The following MPRIP variants were observed in gnomAD, a reference collection of about 807,000 sequenced individuals.
MPRIP encodes myosin phosphatase Rho interacting protein.
MPRIP carries 59 observed loss-of-function variants against 234.9 expected under a neutral mutation model. The ratio of observed to expected loss-of-function variants is 0.25; its 90% CI spans 0.20 to 0.31. The LOEUF (loss-of-function observed/expected upper bound fraction) is 0.31, where lower values mean the gene tolerates loss of function less well. MPRIP is among the 10% of genes least tolerant of loss of function. The probability of loss-of-function intolerance (pLI) is 1.00; values close to 1 mark genes in which losing one functional copy is unlikely to be tolerated. For missense variants in MPRIP, 2,436 were observed against 3,071.0 expected, an observed-to-expected ratio of 0.79 and a Z score of 4.89; for synonymous variants, 1,144 against 1,263.9, an observed-to-expected ratio of 0.91 and a Z score of 2.01.
At chr17:17,168,327 G>T (rs1236607601) in intron 16 of MPRIP, 7 of 259,438 alleles carry the variant, frequency 2.7e-5, no homozygotes, top group Non-Finnish European at 5.3e-5. Flanking sequence ...CCTGAGGACA[G>T]CCTTGTACTC....
At chr17:17,109,605 A>G (rs1051790157) in intron 3 of MPRIP, among the ~76,000 whole-genome samples, 10 of 152,234 alleles carry the variant, frequency 6.6e-5, no homozygotes, top group Admixed American at 6.5e-4. Context: ...CCCAGGTTAT[A>G]TACACCTCTA....
intron 19 of MPRIP, among the ~76,000 whole-genome samples, chr17:17,174,571 T>C (rs1371505542): frequency 6.6e-5 from 10 of 152,208 alleles, no homozygotes; most frequent in African/African-American, 2.4e-4. Flanking sequence ...GCGCGGTGGC[T>C]CACGCCTGTA....
chr17:17,128,878 CCT>C (rs530733395), intron 4 of MPRIP, among the ~76,000 whole-genome samples: 129 of 152,320 alleles, frequency 8.5e-4, no homozygotes, highest in Admixed American at 1.4e-3. Context: ...CTCTTGCCTC[CCT>C]CTGTTTCCCA....
chr17:17,051,978 CT>C (rs1567681823), intron 1 of MPRIP, among the ~76,000 whole-genome samples: 1 of 152,268 alleles, frequency 6.6e-6, no homozygotes, highest in African/African-American at 2.4e-5. Flanking sequence ...CTGCCGGATC[CT>C]TTGAACCTCT....
intron 3 of MPRIP, among the ~76,000 whole-genome samples, chr17:17,088,184 G>A (rs536935201): frequency 6.6e-6 from 1 of 152,220 alleles, no homozygotes; most frequent in African/African-American, 2.4e-5. Flanking sequence ...GGAGCGGCGA[G>A]AGCTGTCGTG....
chr17:17,139,281 C>G (rs2090765832), intron 7 of MPRIP, among the ~76,000 whole-genome samples: 1 of 152,254 alleles, frequency 6.6e-6, no homozygotes, highest in African/African-American at 2.4e-5. Context: ...ACCCCTGCAT[C>G]TGTATACTGA....
Position 17,164,612 on chromosome 17 carries a change from T to G in MPRIP, c.3021T>G (p.Ser1007Arg). Residue 1007 changes from serine to arginine, a missense_variant, in exon 16 of 24, where the codon AGT (serine) becomes AGG (arginine). This residue lies in a region of MPRIP where 1,998 missense variants were observed against 2,520.3 expected (regional missense o/e 0.79). Coordinates refer to ENST00000651222, the MANE Select transcript of MPRIP (RefSeq NM_001364716.4). ...ACCTCAGCCAGCAACTGGGCGCCAG[T>G]GAGCAGGCGCAGCGGCTGATGGAGG... ...IADLSQQLGA[S>R]EQAQRLMEEK... 8.2e-7 allele frequency: 1 copy of G among 1,215,164 alleles called. No individual in the cohort carries two copies. Among genetic ancestry groups the G allele is most frequent in the Non-Finnish European group, 1.1e-6 (1 of 948,448 alleles). The allele number at this position is 1,215,164 out of a possible 1,614,324, so 75.3% of individuals were successfully genotyped here.
chr17:17,121,679 G>A (rs1195088276), intron 3 of MPRIP, among the ~76,000 whole-genome samples: 1 of 152,156 alleles, frequency 6.6e-6, no homozygotes, highest in Non-Finnish European at 1.5e-5. Flanking sequence ...CTTTTTTTAA[G>A]TTCAGGGGTG....
In MPRIP at chr17:17,079,593, C is replaced by A. The variant is rs182325099; in HGVS notation, c.267+1517C>A. 3.5e-3 allele frequency among the ~76,000 whole-genome samples: 527 copies of A among 152,276 alleles called. 3 individuals are homozygous for A. The highest frequency in any genetic ancestry group is 0.031 in the Middle Eastern group (9 of 294). ...CCTGTGGCTGACTGACTGGCTGAGT[C>A]CTGCAATTGACTTAACAGTATCAGA... On this transcript the variant is annotated intron_variant, in intron 3 of 23. Transcript: ENST00000651222.
Position 17,142,702 on chromosome 17 carries a change from G to A in MPRIP, c.1326G>A (p.Gly442=), listed in dbSNP as rs1196720111. The change falls in exon 8 of 24, where the codon GGG becomes GGA. Residue 442 remains glycine, a synonymous_variant. Coordinates refer to ENST00000651222, the MANE Select transcript of MPRIP (RefSeq NM_001364716.4). ...KAEHMETNAV[G]PSPSSDTRQG... ...AGCACATGGAGACCAATGCAGTGGG[G>A]CCCTCACCATCCAGCGACACACGCC... 6.2e-7 allele frequency: 1 copy of A among 1,612,340 alleles called. No homozygotes were observed.
intron 1 of MPRIP, among the ~76,000 whole-genome samples, chr17:17,055,687 A>G (rs993890841): frequency 2.0e-5 from 3 of 151,944 alleles, no homozygotes; most frequent in Admixed American, 6.6e-5. Flanking sequence ...TCAATTCCAC[A>G]TCTCCCTTCC....
At chr17:17,073,336 C>T (rs558349338) in intron 1 of MPRIP, among the ~76,000 whole-genome samples, 1 of 152,348 alleles carries the variant, frequency 6.6e-6, no homozygotes, top group African/African-American at 2.4e-5. Flanking sequence ...TGGTATACAG[C>T]ACCCAGGGCC....
chr17:17,145,885 C>T, intron 9 of MPRIP, 151 bp from the exon 10 acceptor site: 1 of 730,576 alleles, frequency 1.4e-6, no homozygotes, highest in Non-Finnish European at 2.3e-6. Context: ...GCAGCACCCA[C>T]CAGGGTGAGG....
intron 3 of MPRIP, among the ~76,000 whole-genome samples, chr17:17,117,495 C>T (rs768292020): frequency 8.5e-5 from 13 of 152,208 alleles, no homozygotes; most frequent in Admixed American, 6.5e-5. Flanking sequence ...ATTCACTTAG[C>T]GTGATGTTTC....
At chr17:17,100,812 T>C (rs1005206484) in intron 3 of MPRIP, among the ~76,000 whole-genome samples, 2 of 152,124 alleles carry the variant, frequency 1.3e-5, no homozygotes, top group Non-Finnish European at 2.9e-5. Flanking sequence ...GTAAATGTAA[T>C]GCGCTTAAAT....
chr17:17,076,311 C>T (rs1304413894), intron 2 of MPRIP: 1 of 152,478 alleles, frequency 6.6e-6, no homozygotes. Context: ...GCCAGGAAGC[C>T]CCTCTGGATT....
chr17:17,086,322 C>T (rs1567705291), intron 3 of MPRIP, among the ~76,000 whole-genome samples: 1 of 152,194 alleles, frequency 6.6e-6, no homozygotes, highest in Non-Finnish European at 1.5e-5. Flanking sequence ...CCCCTGCCCT[C>T]CACCCGACTT....
At chr17:17,057,005 C>T (rs1018156608) in intron 1 of MPRIP, among the ~76,000 whole-genome samples, 4 of 152,204 alleles carry the variant, frequency 2.6e-5, no homozygotes, top group East Asian at 1.9e-4. Context: ...CCCTTTTGGC[C>T]GTTGTGGATA....
intron 3 of MPRIP, among the ~76,000 whole-genome samples, chr17:17,096,288 G>GGTGTGTGT (rs59748753): frequency 4.4e-5 from 6 of 136,584 alleles, no homozygotes; most frequent in Admixed American, 2.9e-4. Context: ...GTGTGTGCAG[G>GGTGTGTGT]GTGTGTGTGT....
Sources: gnomAD v4.1 joint callset for allele counts (sites outside exome capture counted in the v4.1 genomes callset) on GRCh38, gnomAD v4.1.1 for gene constraint, gnomAD v4.1.1 regional missense constraint, MANE v1.5 for transcripts, NCBI Gene and HGNC (gene_info 2026-07-23, HGNC 2026-07-21) for gene names.